MKX: variants seen among roughly 807,000 people sequenced by gnomAD.
MKX encodes mohawk homeobox.
In MKX, 13 loss-of-function variants were observed where a neutral mutation model predicts 36.0. That is an observed-to-expected ratio of 0.36 (90% CI 0.24 to 0.57). The LOEUF is 0.57. Ranked by LOEUF, MKX falls within the 20% of genes least tolerant of loss-of-function variation. The pLI, the probability that MKX is intolerant of heterozygous loss-of-function variation, is 0.79. For synonymous variants in MKX, 176 were observed against 178.3 expected (o/e 0.99, Z 0.10); for missense variants, 458 against 456.4 (o/e 1.00, Z -0.03).
chr10:27,688,677 C>T (rs1354151563), intron 5 of MKX, among the ~76,000 whole-genome samples: 1 of 152,196 alleles, frequency 6.6e-6, no homozygotes, highest in Non-Finnish European at 1.5e-5. Context: ...TATAAAAGCA[C>T]TCCTTTTTAC....
chr10:27,704,000 T>C (rs942391988), intron 5 of MKX, among the ~76,000 whole-genome samples: 2 of 151,806 alleles, frequency 1.3e-5, no homozygotes, highest in African/African-American at 4.8e-5. Context: ...GATAAGCAAA[T>C]TTATGATGGT....
intron 5 of MKX, among the ~76,000 whole-genome samples, chr10:27,688,178 G>A (rs1171847608): frequency 6.6e-6 from 1 of 150,720 alleles, no homozygotes; most frequent in African/African-American, 2.4e-5. Context: ...CACTATGGAA[G>A]TCCTTGTTAA....
chr10:27,741,104 C>G lies in MKX; in HGVS notation c.348+241G>C, dbSNP rs781193697. 1.4e-4 allele frequency among the ~76,000 whole-genome samples: 22 copies of G among 152,280 alleles called. No homozygotes were observed. Among genetic ancestry groups the G allele is most frequent in the Middle Eastern group, 3.4e-3 (1 of 294 alleles). ...GATGCTCACTAATGTTGAACCTTCT[C>G]GTAAGTCTGCAGTTTACTTTTCACT... On this transcript the variant is annotated intron_variant, in intron 3 of 6. Coordinates refer to ENST00000419761, the MANE Select transcript of MKX (RefSeq NM_173576.3). The surrounding 1 kb of genome is among the most constrained non-coding windows in gnomAD (Gnocchi z 5.1).
chr10:27,731,510 T>TG (rs1312525941), intron 5 of MKX, among the ~76,000 whole-genome samples: 2 of 152,212 alleles, frequency 1.3e-5, no homozygotes, highest in Non-Finnish European at 2.9e-5. Context: ...ACCTGAAACC[T>TG]AGCAGATCAG....
intron 5 of MKX, among the ~76,000 whole-genome samples, chr10:27,683,117 T>A (rs768300167): frequency 1.3e-5 from 2 of 152,152 alleles, no homozygotes; most frequent in African/African-American, 2.4e-5. Flanking sequence ...CAGATGGTAA[T>A]GTGAGCGATG....
chr10:27,719,732 C>T (rs901272491), intron 5 of MKX, among the ~76,000 whole-genome samples: 2 of 152,138 alleles, frequency 1.3e-5, no homozygotes, highest in African/African-American at 2.4e-5. Flanking sequence ...ATCTGTCAAT[C>T]TCAGAACTTT....
chr10:27,716,685 T>G (rs1836971411), intron 5 of MKX, among the ~76,000 whole-genome samples: 1 of 152,186 alleles, frequency 6.6e-6, no homozygotes, highest in African/African-American at 2.4e-5. Flanking sequence ...CGGTACATTT[T>G]TTTGTACTTT....
chr10:27,736,383 C>CT (rs34022202), intron 3 of MKX, among the ~76,000 whole-genome samples: 1 of 151,730 alleles, frequency 6.6e-6, no homozygotes. Context: ...TACTTCCATT[C>CT]TTTTTTTTTT....
At chr10:27,740,886 G>T (rs747025158) in intron 3 of MKX, among the ~76,000 whole-genome samples, 3 of 152,140 alleles carry the variant, frequency 2.0e-5, no homozygotes, top group African/African-American at 4.8e-5. Context: ...CTGTACCTGA[G>T]CTTTAATACT....
chr10:27,711,481 T>C (rs12772459), intron 5 of MKX, among the ~76,000 whole-genome samples: 4,865 of 17,220 alleles, frequency 0.28, 309 homozygotes, highest in East Asian at 0.58. Flanking sequence ...CTTTCTTTCT[T>C]TCTCTCTCTC....
At chr10:27,691,862 T>TGA (rs1387783802) in intron 5 of MKX, among the ~76,000 whole-genome samples, 2 of 152,256 alleles carry the variant, frequency 1.3e-5, no homozygotes, top group Admixed American at 1.3e-4. Flanking sequence ...GCTGCATCCA[T>TGA]GTGGCTGCAA....
intron 5 of MKX, among the ~76,000 whole-genome samples, chr10:27,682,899 A>G (rs1429158592): frequency 1.3e-5 from 2 of 151,998 alleles, no homozygotes; most frequent in African/African-American, 4.8e-5. Flanking sequence ...GAATCGCTTG[A>G]ACCTGGGAGG....
intron 5 of MKX, among the ~76,000 whole-genome samples, chr10:27,710,323 T>C (rs1205803649): frequency 1.3e-5 from 2 of 152,202 alleles, no homozygotes; most frequent in African/African-American, 2.4e-5. Context: ...ATACTTTGCT[T>C]CCTATTCTTG....
intron 5 of MKX, among the ~76,000 whole-genome samples, chr10:27,682,514 A>G (rs1836271343): frequency 6.6e-6 from 1 of 152,176 alleles, no homozygotes; most frequent in Non-Finnish European, 1.5e-5. Context: ...GTTCATGGTA[A>G]GTGCCTTACA....
chr10:27,686,217 G>C (rs557211111), intron 5 of MKX, among the ~76,000 whole-genome samples: 1 of 152,154 alleles, frequency 6.6e-6, no homozygotes, highest in Admixed American at 6.5e-5. Context: ...TGAATAAAAT[G>C]AAACCCACCC....
chr10:27,706,219 T>C (rs1050992695), intron 5 of MKX, among the ~76,000 whole-genome samples: 1 of 152,136 alleles, frequency 6.6e-6, no homozygotes, highest in Non-Finnish European at 1.5e-5. Flanking sequence ...TTCCTTCCTC[T>C]TTAAGGCTGA....
chr10:27,734,860 T>C, intron 4 of MKX, 69 bp from the exon 5 acceptor site: 1 of 916,754 alleles, frequency 1.1e-6, no homozygotes, highest in Non-Finnish European at 1.6e-6. Context: ...ACTCTTATAT[T>C]TAATCCTTAA....
intron 5 of MKX, among the ~76,000 whole-genome samples, chr10:27,695,180 GCGT>G (rs1836531923): frequency 6.6e-6 from 1 of 152,090 alleles, no homozygotes; most frequent in East Asian, 1.9e-4. Context: ...GCCAGCAGTA[GCGT>G]GCCACTGTCT....
intron 5 of MKX, among the ~76,000 whole-genome samples, chr10:27,729,611 C>G (rs903790404): frequency 6.6e-6 from 1 of 152,040 alleles, no homozygotes; most frequent in African/African-American, 2.4e-5. Flanking sequence ...CTGGCCTGCA[C>G]TAGGCCTTTA....
Sources: gnomAD v4.1 joint callset for allele counts (sites outside exome capture counted in the v4.1 genomes callset) on GRCh38, gnomAD v4.1.1 for gene constraint, Gnocchi (gnomAD v3.1) non-coding constraint, MANE v1.5 for transcripts, NCBI Gene and HGNC (gene_info 2026-07-23, HGNC 2026-07-21) for gene names.